CERT1: variants seen among roughly 807,000 people sequenced by gnomAD.
CERT1 encodes ceramide transfer protein.
A neutral mutation model predicts 87.9 loss-of-function variants in CERT1; 31 were observed. The observed-to-expected ratio is 0.35, with a 90% CI of 0.27 to 0.48. CERT1 has a LOEUF of 0.48. Among genes scored for constraint, CERT1 ranks in the 20% least tolerant of loss-of-function variants. The pLI is 0.99. For synonymous variants in CERT1, 289 were observed against 250.9 expected (o/e 1.15, Z -1.44); for missense variants, 487 against 758.0 (o/e 0.64, Z 4.20).
At chr5:75,400,348 A>G (rs1230174214) in intron 9 of CERT1, 51 bp from the exon 10 acceptor site, 10 of 1,309,328 alleles carry the variant, frequency 7.6e-6, no homozygotes, top group Non-Finnish European at 1.1e-5. Context: ...TGTATTTTGT[A>G]ACTCAAGAAT....
intron 2 of CERT1, among the ~76,000 whole-genome samples, chr5:75,492,624 T>G (rs1243002457): frequency 3.3e-5 from 5 of 152,228 alleles, no homozygotes; most frequent in African/African-American, 1.2e-4. Context: ...TCTTCCCATT[T>G]CTGATACAAT....
At chr5:75,441,975 T>G (rs888542060) in intron 3 of CERT1, among the ~76,000 whole-genome samples, 7 of 152,174 alleles carry the variant, frequency 4.6e-5, no homozygotes, top group East Asian at 3.9e-4. Context: ...GGAATTGCCA[T>G]ACTATTTTTC....
chr5:75,483,250 T>C (rs1766338729), intron 2 of CERT1, among the ~76,000 whole-genome samples: 2 of 152,198 alleles, frequency 1.3e-5, no homozygotes, highest in South Asian at 4.1e-4. Context: ...AAATGAAATA[T>C]ACATCAGTGT....
chr5:75,388,991 TTATCTTTG>T (rs1359180984), intron 12 of CERT1, among the ~76,000 whole-genome samples: 1 of 152,176 alleles, frequency 6.6e-6, no homozygotes, highest in African/African-American at 2.4e-5. Context: ...GAGTGTCTTA[TTATCTTTG>T]TATCTTTATT....
rs149326267 is a variant in CERT1, at chr5:75,503,713, G to C, written c.231+2269C>G. Among the ~76,000 whole-genome samples the C allele has an allele frequency of 2.1e-3, 317 of 151,382 alleles. 1 individual carries two copies. In the East Asian group the frequency reaches 0.028, roughly 13 times the overall value. On this transcript the variant is annotated intron_variant, in intron 2 of 16. Transcript: ENST00000643780. ...AATTCAAATTGTTTCTTGTTCCTAC[G>C]CATGTCTTTTACTATGTACCACAAT...
chr5:75,381,337 T>A lies in CERT1; in HGVS notation c.1618-136A>T. ...TGAAATCTTATAAGCACCAAGCTGA[T>A]ATGACACCAGGATTCCTCCCCACCC... On this transcript the variant is annotated intron_variant, in intron 15 of 16. Transcript: ENST00000643780. 3 of 976,168 alleles carry A rather than the reference T, an allele frequency of 3.1e-6. No individual in the cohort carries two copies. In the South Asian group the frequency reaches 4.7e-5, roughly 15 times the overall value. 60.5% of individuals were successfully genotyped at this position (976,168 alleles called of 1,614,324 possible). A position where few individuals can be genotyped will look rare whatever the true frequency, so the allele number is the denominator to read the frequency against.
Position 75,399,968 on chromosome 5 carries a change from T to C in CERT1, c.1110+237A>G, listed in dbSNP as rs148479351. ...CCTGGCCATGGTGAAACTGTCTCCA[T>C]TAAAAATACAAAAATTAGCTGGGTG... is the stretch of plus-strand genomic sequence containing the variant. On this transcript the variant is annotated intron_variant, in intron 10 of 16. Transcript: ENST00000643780. Among the ~76,000 whole-genome samples, 165 of 152,200 alleles carry C rather than the reference T, an allele frequency of 1.1e-3. 1 individual carries two copies. The East Asian group carries it at 0.027, about 25-fold the overall frequency.
At chr5:75,434,117 G>A (rs188287415) in intron 3 of CERT1, among the ~76,000 whole-genome samples, 5 of 151,688 alleles carry the variant, frequency 3.3e-5, no homozygotes, top group East Asian at 1.9e-4. Flanking sequence ...GTATTACATC[G>A]GCTGTGAGTT....
chr5:75,447,245 T>C (rs1038905479), intron 3 of CERT1, among the ~76,000 whole-genome samples: 4 of 152,108 alleles, frequency 2.6e-5, no homozygotes, highest in Non-Finnish European at 5.9e-5. Flanking sequence ...AAAACAGTTA[T>C]ATCAGACATA....
chr5:75,490,359 T>G (rs562524226), intron 2 of CERT1, among the ~76,000 whole-genome samples: 1 of 152,304 alleles, frequency 6.6e-6, no homozygotes, highest in Non-Finnish European at 1.5e-5. Context: ...AAACCTTTTT[T>G]TCTTCTTCAG....
At chr5:75,408,109 T>C (rs1762788806) in intron 8 of CERT1, among the ~76,000 whole-genome samples, 1 of 152,118 alleles carries the variant, frequency 6.6e-6, no homozygotes, top group South Asian at 2.1e-4. Flanking sequence ...TAAACAAGTT[T>C]TACTGGGGGT....
At chr5:75,403,715 G>T (rs1369943577) in intron 8 of CERT1, among the ~76,000 whole-genome samples, 2 of 152,190 alleles carry the variant, frequency 1.3e-5, no homozygotes, top group Non-Finnish European at 2.9e-5. Context: ...CTGGCTAGAT[G>T]GCAGAATAAT....
At chr5:75,448,944 T>G (rs1156843661) in intron 3 of CERT1, among the ~76,000 whole-genome samples, 1 of 152,180 alleles carries the variant, frequency 6.6e-6, no homozygotes, top group African/African-American at 2.4e-5. Flanking sequence ...GAAAATCTAG[T>G]AACAGTAACC....
At position 75,386,138 on chromosome 5, in the gene CERT1, G is replaced by T. The variant is rs75135304; in HGVS notation, c.1285-104C>A. On this transcript the variant is annotated intron_variant, in intron 12 of 16. Transcript: ENST00000643780. ...AGCTGCTCTTTAGATTTTTATGAAAGTCTATTTATAGAACATATTCTGCTA... is the reference window on the plus strand; with the variant it reads ...AGCTGCTCTTTAGATTTTTATGAAATTCTATTTATAGAACATATTCTGCTA... 3.0e-3 allele frequency: 2,596 copies of T among 876,068 alleles called. 52 individuals carry two copies. The African/African-American group carries it at 0.042, about 14-fold the overall frequency. The allele number at this position is 876,068 out of a possible 1,614,324, so 54.3% of individuals were successfully genotyped here.
At chr5:75,377,622 T>C (rs545535091), downstream of CERT1, 10 of 152,344 alleles carry the variant, frequency 6.6e-5, no homozygotes, top group South Asian at 2.1e-3. Flanking sequence ...GTTTATAGTA[T>C]GCTGCTGCTT....
chr5:75,497,507 A>C (rs1314207836), intron 2 of CERT1, among the ~76,000 whole-genome samples: 20 of 152,076 alleles, frequency 1.3e-4, no homozygotes, highest in Non-Finnish European at 2.9e-5. Flanking sequence ...ATCCCCATCC[A>C]AATCTCATTT....
At chr5:75,415,631 T>C (rs1763103403) in intron 7 of CERT1, among the ~76,000 whole-genome samples, 1 of 152,118 alleles carries the variant, frequency 6.6e-6, no homozygotes, top group Admixed American at 6.5e-5. Context: ...TATGATCCCT[T>C]AGTGAAGGAA....
intron 2 of CERT1, among the ~76,000 whole-genome samples, chr5:75,465,187 TA>T (rs1387302607): frequency 6.6e-6 from 1 of 152,192 alleles, no homozygotes; most frequent in African/African-American, 2.4e-5. Flanking sequence ...TAGCCCTGGT[TA>T]AAGCAAGTAA....
chr5:75,379,889 T>C (rs1402985848), intron 16 of CERT1, among the ~76,000 whole-genome samples: 1 of 152,122 alleles, frequency 6.6e-6, no homozygotes. Context: ...GCTGGACCAA[T>C]TATGATCTTT....
Sources: allele counts gnomAD v4.1 joint callset (sites outside exome capture counted in the v4.1 genomes callset), GRCh38; gene constraint gnomAD v4.1.1; transcripts MANE v1.5; gene names NCBI Gene and HGNC (gene_info 2026-07-23, HGNC 2026-07-21).